The following IL1RAPL1 variants were observed in gnomAD, a reference collection of about 807,000 sequenced individuals.
The protein encoded by IL1RAPL1 is interleukin 1 receptor accessory protein like 1.
A neutral mutation model predicts 48.4 loss-of-function variants in IL1RAPL1; 3 were observed. The ratio of observed to expected loss-of-function variants is 0.06; its 90% CI spans 0.03 to 0.16. The LOEUF (loss-of-function observed/expected upper bound fraction) is 0.16, where lower values mean the gene tolerates loss of function less well. Ranked by LOEUF, IL1RAPL1 falls within the 10% of genes least tolerant of loss-of-function variation. The pLI is 1.00. For synonymous variants in IL1RAPL1, 185 were observed against 187.7 expected (o/e 0.99, Z 0.12); for missense variants, 349 against 530.6 (o/e 0.66, Z 3.36).
intron 5 of IL1RAPL1, among the ~76,000 whole-genome samples, chrX:29,521,735 C>A (rs984422406): frequency 8.9e-6 from 1 of 111,883 alleles, no homozygotes; most frequent in East Asian, 2.8e-4. Context: ...ATTCCACAGT[C>A]CCCAAAGAGT....
intron 2 of IL1RAPL1, among the ~76,000 whole-genome samples, chrX:29,048,075 G>A (rs142907956): frequency 2.7e-5 from 3 of 110,925 alleles, no homozygotes; most frequent in Non-Finnish European, 3.8e-5. Context: ...CAACTTTTAC[G>A]TGTATGTGTG....
chrX:28,955,544 C>A (rs1266589925), intron 2 of IL1RAPL1, among the ~76,000 whole-genome samples: 1 of 109,373 alleles, frequency 9.1e-6, no homozygotes, highest in Non-Finnish European at 1.9e-5. Flanking sequence ...GGAATCCTTT[C>A]CCCATTGCTT....
rs753569742 is a variant in IL1RAPL1, at chrX:29,239,916, C to G, written c.83-43022C>G. Among the ~76,000 whole-genome samples, 16 of 109,137 alleles carry G rather than the reference C, an allele frequency of 1.5e-4. No individual in the cohort carries two copies. In the South Asian group the frequency reaches 3.9e-3, roughly 26 times the overall value. 94.8% of individuals were successfully genotyped at this position (109,137 alleles called of 115,157 possible). A position where few individuals can be genotyped will look rare whatever the true frequency, so the allele number is the denominator to read the frequency against. On this transcript the variant is annotated intron_variant, in intron 2 of 10. Transcript: ENST00000378993. ...TTAAAGTCAGTAACATTGCATTTTT[C>G]TCATCCTTCTTCAGTAGCCATATCT...
chrX:29,249,499 A>G (rs1189160437), intron 2 of IL1RAPL1, among the ~76,000 whole-genome samples: 1 of 111,589 alleles, frequency 9.0e-6, no homozygotes, highest in Non-Finnish European at 1.9e-5. Flanking sequence ...TGACCCAGAA[A>G]TGCAATAACC....
chrX:29,598,070 G>C (rs1263150402), intron 5 of IL1RAPL1, among the ~76,000 whole-genome samples: 2 of 111,378 alleles, frequency 1.8e-5, no homozygotes, highest in Non-Finnish European at 3.8e-5. Context: ...TGCTGGGTTT[G>C]GGTTTGGATT....
chrX:29,212,501 G>A (rs188057871), intron 2 of IL1RAPL1, among the ~76,000 whole-genome samples: 38 of 110,920 alleles, frequency 3.4e-4, no homozygotes, highest in African/African-American at 1.2e-3. Flanking sequence ...TAGAGACGGG[G>A]TTTCTGCATG....
intron 1 of IL1RAPL1, among the ~76,000 whole-genome samples, chrX:28,654,691 T>A (rs777661907): frequency 8.9e-5 from 10 of 112,056 alleles, no homozygotes; most frequent in Non-Finnish European, 1.7e-4. Flanking sequence ...TATAAACATT[T>A]GTTCAGCAAC....
At chrX:29,271,269 G>A (rs757962683) in intron 2 of IL1RAPL1, among the ~76,000 whole-genome samples, 54 of 111,985 alleles carry the variant, frequency 4.8e-4, no homozygotes, top group African/African-American at 1.5e-3. Context: ...TACCATTGGT[G>A]GGCATGTAGG....
At chrX:29,108,711 G>A (rs745589509) in intron 2 of IL1RAPL1, among the ~76,000 whole-genome samples, 13 of 111,475 alleles carry the variant, frequency 1.2e-4, no homozygotes, top group Admixed American at 2.9e-4. Context: ...TATACAATGA[G>A]CATTTTTGTA....
intron 1 of IL1RAPL1, among the ~76,000 whole-genome samples, chrX:28,645,216 G>A (rs964706278): frequency 9.3e-6 from 1 of 107,332 alleles, no homozygotes; most frequent in Non-Finnish European, 1.9e-5. Flanking sequence ...GTATGGTGGC[G>A]TGCTCCTGTA....
At chrX:29,168,689 G>GTATATATATTCATATA (rs1569250888) in intron 2 of IL1RAPL1, among the ~76,000 whole-genome samples, 1 of 29,807 alleles carries the variant, frequency 3.4e-5, no homozygotes, top group Non-Finnish European at 8.6e-5. Context: ...ATATTCATAT[G>GTATATATATTCATATA]TACAATTGTA....
At chrX:29,333,412 C>T (rs1932913822) in intron 3 of IL1RAPL1, among the ~76,000 whole-genome samples, 1 of 102,480 alleles carries the variant, frequency 9.8e-6, no homozygotes, top group African/African-American at 3.5e-5. Context: ...GGGGCTGACC[C>T]CCCCACCTCC....
chrX:29,473,776 A>G (rs757743929), intron 5 of IL1RAPL1, among the ~76,000 whole-genome samples: 8 of 111,016 alleles, frequency 7.2e-5, no homozygotes, highest in South Asian at 3.8e-4. Context: ...TCGTAATTGT[A>G]CATCCATTAC....
At chrX:29,465,900 C>T (rs150118410) in intron 5 of IL1RAPL1, among the ~76,000 whole-genome samples, 618 of 111,527 alleles carry the variant, frequency 5.5e-3, no homozygotes, top group Non-Finnish European at 9.1e-3. Flanking sequence ...GATGCTCATA[C>T]TGGGTTTACA....
At chrX:29,516,969 T>C (rs1935452612) in intron 5 of IL1RAPL1, among the ~76,000 whole-genome samples, 1 of 111,902 alleles carries the variant, frequency 8.9e-6, no homozygotes, top group Non-Finnish European at 1.9e-5. Context: ...GGTCTTAAGC[T>C]TATTGATTCA....
At chrX:28,736,190 T>A (rs1296909687) in intron 1 of IL1RAPL1, among the ~76,000 whole-genome samples, 1 of 110,830 alleles carries the variant, frequency 9.0e-6, no homozygotes, top group Non-Finnish European at 1.9e-5. Context: ...TCTCAGCACT[T>A]TGGGAGGCCG....
chrX:28,966,243 T>C (rs748335144), intron 2 of IL1RAPL1, among the ~76,000 whole-genome samples: 9 of 112,238 alleles, frequency 8.0e-5, no homozygotes, highest in Non-Finnish European at 1.7e-4. Flanking sequence ...TTCTGAAGCA[T>C]AAATGGATGT....
At chrX:29,584,301 C>A (rs1923082464) in intron 5 of IL1RAPL1, among the ~76,000 whole-genome samples, 1 of 111,601 alleles carries the variant, frequency 9.0e-6, no homozygotes, top group African/African-American at 3.3e-5. Context: ...CTGAATATTC[C>A]TGAAAACATA....
chrX:28,604,287 G>T (rs1310006427), intron 1 of IL1RAPL1, among the ~76,000 whole-genome samples: 1 of 111,468 alleles, frequency 9.0e-6, no homozygotes, highest in African/African-American at 3.3e-5. Flanking sequence ...ATTCACATTT[G>T]GATCAAGGCA....
Sources: gnomAD v4.1 joint callset for allele counts (sites outside exome capture counted in the v4.1 genomes callset) on GRCh38, gnomAD v4.1.1 for gene constraint, MANE v1.5 for transcripts, NCBI Gene and HGNC (gene_info 2026-07-23, HGNC 2026-07-21) for gene names.